The following C11orf65 variants were observed in gnomAD, a reference collection of about 807,000 sequenced individuals.
C11orf65 encodes the protein protein MFI.
In C11orf65, 38 loss-of-function variants were observed where a neutral mutation model predicts 35.3. The ratio of observed to expected loss-of-function variants is 1.08; its 90% confidence interval spans 0.83 to 1.41. C11orf65 has a LOEUF of 1.41. Among genes scored for constraint, C11orf65 ranks in the 40% most tolerant of loss-of-function variants. The pLI, the probability that C11orf65 is intolerant of heterozygous loss-of-function variation, is 0.00. For missense variants in C11orf65, 370 were observed against 367.1 expected, an observed-to-expected ratio of 1.01 and a Z score of -0.06; for synonymous variants, 105 against 114.4, an observed-to-expected ratio of 0.92 and a Z score of 0.53.
intron 2 of C11orf65, among the ~76,000 whole-genome samples, chr11:108,433,443 G>A (rs2093020659): frequency 6.6e-6 from 1 of 151,980 alleles, no homozygotes; most frequent in South Asian, 2.1e-4. Flanking sequence ...AGTTAGATGT[G>A]GTGGCAGGCG....
chr11:108,422,020 C>T (rs1331951777), intron 3 of C11orf65, among the ~76,000 whole-genome samples: 1 of 152,170 alleles, frequency 6.6e-6, no homozygotes, highest in Non-Finnish European at 1.5e-5. Context: ...CAACCTCTGC[C>T]TCCCTGGCCC....
downstream of C11orf65, chr11:108,329,007 G>A (rs1486032156): frequency 1.9e-6 from 3 of 1,605,780 alleles, no homozygotes; most frequent in Non-Finnish European, 1.7e-6. Context: ...TAAATTGGTT[G>A]TGTTTTCTTG....
chr11:108,371,546 T>C (rs989026660), intron 2 of C11orf65, among the ~76,000 whole-genome samples: 13 of 152,208 alleles, frequency 8.5e-5, no homozygotes, highest in African/African-American at 2.4e-5. Context: ...TCGTCTATGT[T>C]GTAATATATT....
At position 108,363,483 on chromosome 11, in the gene C11orf65, G is replaced by A. The variant is rs143698165; in HGVS notation, c.227-28191C>T. Among the ~76,000 whole-genome samples the A allele has an allele frequency of 8.0e-3, 1,213 of 152,292 alleles. 8 individuals carry two copies. The highest frequency in any genetic ancestry group is 0.025 in the African/African-American group (1,038 of 41,552). On this transcript the variant is annotated intron_variant, in intron 2 of 3. Coordinates refer to the C11orf65 transcript ENST00000524755. ...ACTCAGTGATGCTTAGCCAAGAGCA[G>A]TTTTGTCCCCTAGAGGACAGTTGGC...
At chr11:108,391,954 A>G (rs895190640) in intron 7 of C11orf65, among the ~76,000 whole-genome samples, 2 of 151,808 alleles carry the variant, frequency 1.3e-5, no homozygotes, top group African/African-American at 2.4e-5. Flanking sequence ...CTGTCTCACT[A>G]TGTTTCCCAG....
intron 6 of C11orf65, chr11:108,319,864 A>T (rs1209201632): frequency 3.4e-6 from 3 of 894,176 alleles, no homozygotes; most frequent in Non-Finnish European, 5.4e-6. Flanking sequence ...ATGTTAATTT[A>T]AAAATTTTGT....
chr11:108,405,143 C>CTTT (rs2092516751), intron 6 of C11orf65, among the ~76,000 whole-genome samples: 1 of 152,180 alleles, frequency 6.6e-6, no homozygotes, highest in South Asian at 2.1e-4. Context: ...TTCACTCAAA[C>CTTT]TTTTGTTAAC....
chr11:108,468,224 C>T (rs2093559213), upstream of C11orf65, among the ~76,000 whole-genome samples: 1 of 152,174 alleles, frequency 6.6e-6, no homozygotes, highest in South Asian at 2.1e-4. Flanking sequence ...TGCTCAAGGT[C>T]AAAGAATACG....
At chr11:108,339,178 A>G (rs897422402) in intron 2 of C11orf65, among the ~76,000 whole-genome samples, 1 of 152,106 alleles carries the variant, frequency 6.6e-6, no homozygotes, top group Non-Finnish European at 1.5e-5. Context: ...GGCTGGCCCC[A>G]TTTTTCTCCA....
intron 2 of C11orf65, among the ~76,000 whole-genome samples, chr11:108,450,785 T>A (rs943842199): frequency 1.3e-5 from 2 of 151,260 alleles, no homozygotes; most frequent in East Asian, 3.9e-4. Flanking sequence ...AATAATAAAA[T>A]TTTAAAAAAA....
chr11:108,315,008 AC>A (rs1310575286), intron 6 of C11orf65, among the ~76,000 whole-genome samples: 1 of 152,212 alleles, frequency 6.6e-6, no homozygotes, highest in Non-Finnish European at 1.5e-5. Flanking sequence ...TAATGGCATG[AC>A]TTTTCTCTGC....
At chr11:108,342,422 A>G (rs369925097) in intron 2 of C11orf65, among the ~76,000 whole-genome samples, 1 of 152,222 alleles carries the variant, frequency 6.6e-6, no homozygotes, top group South Asian at 2.1e-4. Context: ...AAATATACAT[A>G]TAGTATCCTA....
chr11:108,327,470 T>A, downstream of C11orf65: 3 of 575,430 alleles, frequency 5.2e-6, no homozygotes, highest in South Asian at 5.8e-5. Flanking sequence ...GATGATCATT[T>A]CCTACATGGG....
intron 6 of C11orf65, among the ~76,000 whole-genome samples, chr11:108,314,320 G>T (rs538187137): frequency 6.6e-6 from 1 of 152,066 alleles, no homozygotes; most frequent in East Asian, 1.9e-4. Context: ...TGCCCAGGCC[G>T]ATCTTGAATT....
downstream of C11orf65, chr11:108,330,101 T>C: frequency 8.4e-7 from 1 of 1,186,264 alleles, no homozygotes; most frequent in South Asian, 1.3e-5. Flanking sequence ...GTTTGCTTTT[T>C]TCCCTGGGAT....
At chr11:108,366,396 G>C in intron 2 of C11orf65, 1 of 216,466 alleles carries the variant, frequency 4.6e-6, no homozygotes, top group Non-Finnish European at 9.3e-6. Flanking sequence ...CATTTTTAAT[G>C]TTTTTTTAAT....
rs587781562 is a variant in C11orf65, at chr11:108,325,426, T to C, written c.641-16355A>G. The C allele has an allele frequency of 6.2e-7, 1 of 1,613,790 alleles. No homozygotes were observed. The highest frequency in any genetic ancestry group is 8.5e-7 in the Non-Finnish European group (1 of 1,179,872). ...CCTATCATGGCTCTACGCACAGTCATTTTGGAGATCCTGATGGAAAAGGAA... is the reference window on the plus strand; with the variant it reads ...CCTATCATGGCTCTACGCACAGTCACTTTGGAGATCCTGATGGAAAAGGAA... On this transcript the variant is annotated intron_variant, in intron 6 of 6. Transcript: ENST00000525729.
At chr11:108,418,756 A>T (rs1421860592) in intron 3 of C11orf65, among the ~76,000 whole-genome samples, 5 of 152,100 alleles carry the variant, frequency 3.3e-5, no homozygotes, top group African/African-American at 1.2e-4. Flanking sequence ...CTCCAAAGAG[A>T]CTGCTCAAGA....
rs587781413 is a variant in C11orf65 at position 108,365,339 on chromosome 11, G to A, written c.226+27869C>T. 10 of 1,614,216 alleles carry A rather than the reference G, an allele frequency of 6.2e-6. No homozygotes were observed. The Admixed American group carries it at 1.0e-4, about 16-fold the overall frequency. ...TTTGTCCTTAGTGATATTGACCAGA[G>A]TTTCAACAAAGTAGCTGAACGTGTC... On this transcript the variant is annotated intron_variant, in intron 2 of 3. Coordinates refer to the C11orf65 transcript ENST00000524755.
Sources: gnomAD v4.1 joint callset for allele counts (sites outside exome capture counted in the v4.1 genomes callset) on GRCh38, gnomAD v4.1.1 for gene constraint, MANE v1.5 for transcripts, NCBI Gene and HGNC (gene_info 2026-07-23, HGNC 2026-07-21) for gene names.